MS4A13: variants seen among roughly 807,000 people sequenced by gnomAD.
MS4A13 encodes membrane-spanning 4-domains subfamily A member 13.
Under a neutral mutation model 18.4 loss-of-function variants are expected in MS4A13, and 21 were observed. The ratio of observed to expected loss-of-function variants is 1.14; its 90% CI spans 0.81 to 1.64. MS4A13 has a LOEUF of 1.64. Ranked by LOEUF, MS4A13 falls within the 40% of genes most tolerant of loss-of-function variation. The probability of loss-of-function intolerance (pLI) is 0.00; values close to 1 mark genes in which losing one functional copy is unlikely to be tolerated. For missense variants in MS4A13, 173 were observed against 176.8 expected (o/e 0.98, Z 0.12); for synonymous variants, 62 against 57.2 (o/e 1.08, Z -0.38).
Position 60,529,374 on chromosome 11 carries a change from A to G in MS4A13, c.316A>G (p.Arg106Gly). The change falls in exon 6 of 7, where the codon AGG becomes GGG. Residue 106 changes from arginine (R) to glycine (G), a missense_variant. Arg to Gly is a moderately radical substitution (Grantham distance 125, BLOSUM62 -2). Coordinates refer to ENST00000378186, the MANE Select transcript of MS4A13 (RefSeq NM_001012417.3). ...TGTTTTTTGGTTATAGAAACTTGGG[A>G]GGGAAGTATCACGTATTTTACTGTT... ...YRNYGQAKLG[R>G]EVSRILLFFY... is the part of the protein sequence containing the mutation. 1 of 1,581,072 alleles carries G rather than the reference A, an allele frequency of 6.3e-7. No homozygotes were observed. Among genetic ancestry groups the G allele is most frequent in the Non-Finnish European group, 8.6e-7 (1 of 1,162,950 alleles).
At chr11:60,540,752 G>A (rs1053421845) in intron 6 of MS4A13, among the ~76,000 whole-genome samples, 1 of 152,070 alleles carries the variant, frequency 6.6e-6, no homozygotes, top group African/African-American at 2.4e-5. Flanking sequence ...TTCAAGACCA[G>A]CCTGGGCAAC....
rs1565209678 is a variant in MS4A13 at position 60,518,180 on chromosome 11, T to C, written c.97T>C (p.Tyr33His). Residue 33 changes from tyrosine to histidine, a missense_variant, in exon 3 of 7, where the codon TAC becomes CAC. By Grantham distance (83) the Tyr-to-His change is moderately conservative. Transcript: ENST00000378186. ...GAFGTYEPVT[Y>H]KTGCTLWGIF... ...CTTTGGAACGTATGAACCTGTAACT[T>C]ACAAAACAGGATGTACTTTATGGGG... is the stretch of plus-strand genomic sequence containing the variant. The C allele has an allele frequency of 6.2e-7, 1 of 1,611,760 alleles. No homozygotes were observed.
chr11:60,533,619 C>A (rs1332792821), intron 6 of MS4A13, among the ~76,000 whole-genome samples: 1 of 93,822 alleles, frequency 1.1e-5, no homozygotes, highest in Non-Finnish European at 2.1e-5. Context: ...TCCAGGAGAA[C>A]TTCCCCAATC....
At chr11:60,520,226 T>A (rs1490808951) in intron 3 of MS4A13, among the ~76,000 whole-genome samples, 1 of 152,092 alleles carries the variant, frequency 6.6e-6, no homozygotes, top group Non-Finnish European at 1.5e-5. Context: ...TCTCACAAGA[T>A]CTAATGGTTT....
At chr11:60,538,677 G>T (rs1396552245) in intron 6 of MS4A13, among the ~76,000 whole-genome samples, 2 of 150,746 alleles carry the variant, frequency 1.3e-5, no homozygotes, top group African/African-American at 2.4e-5. Context: ...TATCCTATGA[G>T]AGGCAGAATT....
intron 6 of MS4A13, among the ~76,000 whole-genome samples, chr11:60,535,401 C>G (rs376281845): frequency 1.6e-5 from 2 of 122,664 alleles, no homozygotes; most frequent in African/African-American, 6.4e-5. Context: ...AACACCTCTA[C>G]GCAAATAAAC....
chr11:60,531,256 T>C (rs1361665411), intron 6 of MS4A13, among the ~76,000 whole-genome samples: 1 of 152,168 alleles, frequency 6.6e-6, no homozygotes, highest in East Asian at 1.9e-4. Context: ...AGGTCACTCC[T>C]AGCCTGACTA....
intron 6 of MS4A13, among the ~76,000 whole-genome samples, chr11:60,532,364 C>T (rs1328768781): frequency 1.3e-5 from 2 of 152,206 alleles, no homozygotes; most frequent in Non-Finnish European, 2.9e-5. Context: ...ACCTGGGAAG[C>T]TCAAGGGGTC....
In MS4A13 at chr11:60,515,451, T is replaced by C. The variant is rs922938883; in HGVS notation, c.-285T>C. On this transcript the variant is annotated 5_prime_UTR_variant, in exon 1 of 7. It removes an upstream start codon present in the reference 5' UTR. Transcript: ENST00000378186. ...GCTGGGCTCCTGGCTATCCCTGTGA[T>C]GGTAGCTCAGCGAGATCTGGGGACC... 1 of 152,314 alleles carries C rather than the reference T, an allele frequency of 6.6e-6. No individual in the cohort carries two copies. Among genetic ancestry groups the C allele is most frequent in the East Asian group, 1.9e-4 (1 of 5,200 alleles). 9.4% of individuals were successfully genotyped at this position (152,314 alleles called of 1,614,324 possible). A position where few individuals can be genotyped will look rare whatever the true frequency, so the allele number is the denominator to read the frequency against.
At chr11:60,543,327 A>G (rs1487320229), downstream of MS4A13, among the ~76,000 whole-genome samples, 7 of 152,152 alleles carry the variant, frequency 4.6e-5, no homozygotes, top group Non-Finnish European at 1.0e-4. Flanking sequence ...AGGTTACTTG[A>G]TTCTAAGAAT....
At chr11:60,527,362 GTCTCTCTC>G (rs1313348420) in intron 5 of MS4A13, among the ~76,000 whole-genome samples, 1 of 62,584 alleles carries the variant, frequency 1.6e-5, no homozygotes, top group African/African-American at 7.3e-5. Flanking sequence ...CATTCATTCC[GTCTCTCTC>G]TCTCTCTCTC....
intron 6 of MS4A13, among the ~76,000 whole-genome samples, chr11:60,531,197 C>A (rs996485979): frequency 2.0e-5 from 3 of 152,020 alleles, no homozygotes; most frequent in Admixed American, 6.6e-5. Context: ...AGACCAAAAG[C>A]GTTATTAAAA....
At chr11:60,539,514 G>C (rs2086839269) in intron 6 of MS4A13, among the ~76,000 whole-genome samples, 1 of 151,952 alleles carries the variant, frequency 6.6e-6, no homozygotes, top group African/African-American at 2.4e-5. Flanking sequence ...TGTATAATGG[G>C]AGTCCCATAA....
intron 3 of MS4A13, among the ~76,000 whole-genome samples, chr11:60,520,823 C>G (rs1424790146): frequency 6.6e-6 from 1 of 152,238 alleles, no homozygotes; most frequent in Admixed American, 6.5e-5. Context: ...TCAGTAGGGA[C>G]TCTGTGTGGC....
At chr11:60,525,601 C>A (rs926627931) in intron 5 of MS4A13, among the ~76,000 whole-genome samples, 1 of 152,138 alleles carries the variant, frequency 6.6e-6, no homozygotes, top group African/African-American at 2.4e-5. Context: ...GGCACAGAGC[C>A]ACTTAATGAT....
chr11:60,540,167 A>G (rs540268448), intron 6 of MS4A13, among the ~76,000 whole-genome samples: 17 of 152,348 alleles, frequency 1.1e-4, no homozygotes, highest in African/African-American at 4.1e-4. Context: ...TCGTGTTATT[A>G]GTAACATTAA....
chr11:60,526,393 G>T (rs2086713569), intron 5 of MS4A13, among the ~76,000 whole-genome samples: 1 of 152,194 alleles, frequency 6.6e-6, no homozygotes, highest in African/African-American at 2.4e-5. Flanking sequence ...CAAGTTATAT[G>T]TCACCATTCT....
intron 2 of MS4A13, among the ~76,000 whole-genome samples, chr11:60,517,865 G>A (rs537505651): frequency 6.6e-6 from 1 of 152,278 alleles, no homozygotes; most frequent in East Asian, 1.9e-4. Context: ...GTTGCTTTCA[G>A]TATGACTGAT....
intron 2 of MS4A13, among the ~76,000 whole-genome samples, 170 bp from the exon 3 acceptor site, chr11:60,517,902 C>CT (rs1436485154): frequency 8.5e-5 from 13 of 152,166 alleles, no homozygotes; most frequent in Admixed American, 2.0e-4. Flanking sequence ...TCAGTCCTTC[C>CT]TGATCGGTCC....
Sources: gnomAD v4.1 joint callset for allele counts (sites outside exome capture counted in the v4.1 genomes callset) on GRCh38, gnomAD v4.1.1 for gene constraint, MANE v1.5 for transcripts, NCBI Gene and HGNC (gene_info 2026-07-23, HGNC 2026-07-21) for gene names.